GALNT9: variants seen among roughly 807,000 people sequenced by gnomAD.
The protein encoded by GALNT9 is GalNAc transferase 9.
Under a neutral mutation model 63.1 loss-of-function variants are expected in GALNT9, and 47 were observed. The observed-to-expected ratio is 0.75, with a 90% CI of 0.59 to 0.95. The LOEUF is 0.95. Ranked by LOEUF, GALNT9 falls within the 40% of genes least tolerant of loss-of-function variation. The probability of loss-of-function intolerance (pLI) is 0.00; values close to 1 mark genes in which losing one functional copy is unlikely to be tolerated. For missense variants in GALNT9, 829 were observed against 874.8 expected (o/e 0.95, Z 0.66); for synonymous variants, 396 against 365.7 (o/e 1.08, Z -0.94).
rs200543020 is a variant in GALNT9 at position 132,197,825 on chromosome 12, C to A, written c.1632G>T (p.Ala544=). The change falls in exon 10 of 11, where the codon GCG becomes GCT. Residue 544 remains alanine (A), a synonymous_variant. Transcript: ENST00000328957. The part of the protein sequence containing the change: ...MPTLKKCEDV[A]RPTQRLWDFT... ...AGTCCCACAGCCGCTGTGTTGGCCG[C>A]GCCACATCCTCACACTTCTTCAGGG... The A allele has an allele frequency of 6.3e-7, 1 of 1,599,842 alleles. No homozygotes were observed. The highest frequency in any genetic ancestry group is 8.5e-7 in the Non-Finnish European group (1 of 1,174,418).
chr12:132,216,980 T>A (rs556411859), intron 6 of GALNT9, among the ~76,000 whole-genome samples: 1 of 152,224 alleles, frequency 6.6e-6, no homozygotes, highest in African/African-American at 2.4e-5. Flanking sequence ...TAAACTGTTA[T>A]AAAATCTGGT....
intron 2 of GALNT9, among the ~76,000 whole-genome samples, chr12:132,262,984 C>A (rs1359424498): frequency 1.3e-5 from 2 of 151,406 alleles, no homozygotes; most frequent in East Asian, 3.9e-4. Flanking sequence ...CCACCCCGTG[C>A]TCACAGCGAC....
intron 8 of GALNT9, 173 bp downstream of exon 8, chr12:132,200,951 G>C: frequency 1.6e-6 from 1 of 615,548 alleles, no homozygotes; most frequent in South Asian, 2.0e-5. Flanking sequence ...GAATGCACAC[G>C]TGTGTGCAGG....
At chr12:132,210,201 G>GA (rs1876893258) in intron 6 of GALNT9, among the ~76,000 whole-genome samples, 2 of 152,242 alleles carry the variant, frequency 1.3e-5, no homozygotes, top group Admixed American at 1.3e-4. Context: ...ATCACAGCGA[G>GA]AGGAGAGACA....
chr12:132,294,565 G>A (rs975670941), intron 1 of GALNT9, among the ~76,000 whole-genome samples: 78 of 66,996 alleles, frequency 1.2e-3, no homozygotes, highest in African/African-American at 7.2e-3. Context: ...GGCTTCAGGC[G>A]TCCTGCTCAG....
rs1875576798 is a variant in GALNT9 at position 132,197,250 on chromosome 12, C to T, written c.1669G>A (p.Gly557Ser). The change falls in exon 11 of 11, where the codon GGC (glycine) becomes AGC (serine). Residue 557 changes from glycine (G) to serine (S), a missense_variant. Physicochemically the swap from Gly to Ser is moderately conservative, Grantham distance 56 (BLOSUM62 0). Transcript: ENST00000328957. ...CCCGTGGCCCGGCTCACAATGGGGC[C>T]ACTCTGTGGGGACAGGCACATCAAG... ...TQRLWDFTQS[G>S]PIVSRATGRC... The T allele has an allele frequency of 1.2e-6, 2 of 1,611,796 alleles. No homozygotes were observed. Among genetic ancestry groups the T allele is most frequent in the Non-Finnish European group, 1.7e-6 (2 of 1,179,856 alleles).
chr12:132,280,348 G>T (rs1555241574), intron 2 of GALNT9: 1 of 152,288 alleles, frequency 6.6e-6, no homozygotes, highest in Non-Finnish European at 1.5e-5. Context: ...ATGCCTGAAG[G>T]ACAGGAGACA....
rs73166900 is a variant in GALNT9, at chr12:132,265,737, A to C, written c.420-3112T>G. On this transcript the variant is annotated intron_variant, in intron 2 of 10. Coordinates refer to ENST00000328957, the MANE Select transcript of GALNT9 (RefSeq NM_001122636.2). The surrounding 1 kb of genome is among the most constrained non-coding windows in gnomAD (Gnocchi z 5.3). ...CCAATCTCCAGCCAGTCAGCACCCA[A>C]AGCCCACCAAGCTCTTAGCCACACA... 0.016 allele frequency among the ~76,000 whole-genome samples: 2,472 copies of C among 152,266 alleles called. 68 individuals are homozygous for C. Among genetic ancestry groups the C allele is most frequent in the African/African-American group, 0.056 (2,319 of 41,544 alleles).
chr12:132,196,575 C>G lies in GALNT9; in HGVS notation c.*532G>C. 2.0e-6 allele frequency: 2 copies of G among 986,820 alleles called. No individual in the cohort carries two copies. The highest frequency in any genetic ancestry group is 2.4e-6 in the Non-Finnish European group (2 of 830,920). 61.1% of individuals were successfully genotyped at this position (986,820 alleles called of 1,614,324 possible). Reference sequence around the variant, plus strand: ...CGTGCCAGCCTCCTAGACACGGCCTCAGGTTTGTCGCTGTCCATGTCCTCC... The same window carrying G: ...CGTGCCAGCCTCCTAGACACGGCCTGAGGTTTGTCGCTGTCCATGTCCTCC... On this transcript the variant is annotated 3_prime_UTR_variant, in exon 11 of 11. Transcript: ENST00000328957.
Position 132,286,447 on chromosome 12 carries a change from G to C in GALNT9, c.239-17C>G, listed in dbSNP as rs1029284996. 15 of 1,545,034 alleles carry C rather than the reference G, an allele frequency of 9.7e-6. No individual in the cohort carries two copies. The African/African-American group carries it at 1.8e-4, about 18-fold the overall frequency. The stretch of plus-strand genomic sequence containing the variant: ...TGGCAAGGCCTGGGGGAAAGGAAGA[G>C]AGGGAGGTCAGGCAGGCCCAGGACA... On this transcript the variant is annotated splice_polypyrimidine_tract_variant and intron_variant, in intron 1 of 10. Transcript: ENST00000328957. The surrounding 1 kb of genome is among the most constrained non-coding windows in gnomAD (Gnocchi z 7.4).
Position 132,305,667 on chromosome 12 carries a change from G to A in GALNT9, c.239-19237C>T, listed in dbSNP as rs549506747. Reference sequence around the variant, plus strand: ...CACGCCCTCGCCCGGGCACAGCCTCGCCTGGACACACCCTCACCTGGGTAC... The same window carrying A: ...CACGCCCTCGCCCGGGCACAGCCTCACCTGGACACACCCTCACCTGGGTAC... On this transcript the variant is annotated intron_variant, in intron 1 of 10. Coordinates refer to ENST00000328957, the MANE Select transcript of GALNT9 (RefSeq NM_001122636.2). 1.9e-3 allele frequency among the ~76,000 whole-genome samples: 285 copies of A among 148,134 alleles called. 3 individuals carry two copies. The highest frequency in any genetic ancestry group is 7.0e-3 in the African/African-American group (273 of 38,906).
At chr12:132,212,211 CCCACCCGGGTCTGCAGCCCTCAGACCT>C (rs1417296013) in intron 6 of GALNT9, among the ~76,000 whole-genome samples, 5 of 146,054 alleles carry the variant, frequency 3.4e-5, no homozygotes, top group Middle Eastern at 3.3e-3. Flanking sequence ...ACACGGAAAC[CCCACCCGGGTCTGCAGCCCTCAGACCT>C]CGACACGGAA....
At chr12:132,275,544 G>C (rs1430263550) in intron 2 of GALNT9, 2 of 152,272 alleles carry the variant, frequency 1.3e-5, no homozygotes, top group Non-Finnish European at 2.9e-5. Flanking sequence ...GGCTTCCTCA[G>C]GCTTTGTCAT....
chr12:132,307,590 G>C (rs757368591), intron 1 of GALNT9, among the ~76,000 whole-genome samples: 3 of 151,616 alleles, frequency 2.0e-5, no homozygotes, highest in Non-Finnish European at 2.9e-5. Flanking sequence ...TCTCAGCACT[G>C]TGGGAGGCCA....
chr12:132,257,575 G>T, intron 5 of GALNT9, 114 bp downstream of exon 5: 1 of 557,998 alleles, frequency 1.8e-6, no homozygotes, highest in Non-Finnish European at 2.9e-6. Context: ...CCACGCCCTC[G>T]TCCCCAGCCC....
intron 1 of GALNT9, among the ~76,000 whole-genome samples, chr12:132,303,107 T>C: frequency 6.6e-6 from 1 of 152,038 alleles, no homozygotes; most frequent in Non-Finnish European, 1.5e-5. Context: ...TCCCTGTGTA[T>C]TTCAGGACTA....
chr12:132,290,633 C>G (rs567777945), intron 1 of GALNT9, among the ~76,000 whole-genome samples: 1 of 133,194 alleles, frequency 7.5e-6, no homozygotes, highest in African/African-American at 3.2e-5. Context: ...ACAGTGCCCA[C>G]GTCCACACCA....
chr12:132,203,824 G>A (rs1204304782), intron 6 of GALNT9, 134 bp from the exon 7 acceptor site: 3 of 912,690 alleles, frequency 3.3e-6, no homozygotes, highest in East Asian at 2.7e-5. Flanking sequence ...CGGGCCTGGT[G>A]GGTCCCGGGG....
intron 1 of GALNT9, among the ~76,000 whole-genome samples, chr12:132,287,870 C>T (rs999755189): frequency 2.0e-5 from 3 of 152,004 alleles, no homozygotes; most frequent in African/African-American, 7.3e-5. Flanking sequence ...AAAGATGGCA[C>T]CATTGGCTGT....
Sources: allele counts gnomAD v4.1 joint callset (sites outside exome capture counted in the v4.1 genomes callset), GRCh38; gene constraint gnomAD v4.1.1; non-coding constraint Gnocchi (gnomAD v3.1); transcripts MANE v1.5; gene names NCBI Gene and HGNC (gene_info 2026-07-23, HGNC 2026-07-21).